The following PLD5 variants were observed in gnomAD, a reference collection of about 807,000 sequenced individuals.
PLD5 encodes the protein phospholipase D family member 5.
A neutral mutation model predicts 61.1 loss-of-function variants in PLD5; 36 were observed. The observed-to-expected ratio is 0.59, with a 90% CI of 0.45 to 0.78. The LOEUF is 0.78. Ranked by LOEUF, PLD5 falls within the 30% of genes least tolerant of loss-of-function variation. PLD5 has a pLI of 0.00. For missense variants in PLD5, 515 were observed against 644.4 expected (o/e 0.80, Z 2.17); for synonymous variants, 243 against 242.8 (o/e 1.00, Z -0.01).
chr1:242,182,819 G>A (rs1347046112), intron 5 of PLD5, among the ~76,000 whole-genome samples: 3 of 151,900 alleles, frequency 2.0e-5, no homozygotes, highest in African/African-American at 4.8e-5. Flanking sequence ...CTCCAGCCTG[G>A]GCAACAGAGT....
upstream of PLD5, among the ~76,000 whole-genome samples, chr1:242,527,114 CTTTTTTTTTTTTTTTTT>C (rs530334746): frequency 1.2e-3 from 89 of 71,982 alleles, 1 homozygote; most frequent in African/African-American, 4.3e-3. Context: ...CTATCTCCTT[CTTTTTTTTTTTTTTTTT>C]TTTTTTTTTT....
At chr1:242,449,547 C>T (rs1366613213) in intron 1 of PLD5, 24 of 1,446,550 alleles carry the variant, frequency 1.7e-5, no homozygotes, top group South Asian at 2.9e-5. Flanking sequence ...AAACTGAGCA[C>T]GAAGAGAGAA....
At position 242,121,447 on chromosome 1, in the gene PLD5, G is replaced by A. The variant is rs543637959; in HGVS notation, c.933+3021C>T. Among the ~76,000 whole-genome samples the A allele has an allele frequency of 1.2e-4, 19 of 152,186 alleles. No individual in the cohort carries two copies. In the South Asian group the frequency reaches 3.5e-3, roughly 28 times the overall value. ...GATTTTATACCTCTCCAGAAATGGTGTTCAATCAATATCTGTTGAATTGAA... is the reference window on the plus strand; with the variant it reads ...GATTTTATACCTCTCCAGAAATGGTATTCAATCAATATCTGTTGAATTGAA... On this transcript the variant is annotated intron_variant, in intron 6 of 9. Coordinates refer to ENST00000536534, the MANE Select transcript of PLD5 (RefSeq NM_001372062.1).
At chr1:242,518,110 C>T (rs1436412781) in intron 1 of PLD5, among the ~76,000 whole-genome samples, 3 of 152,112 alleles carry the variant, frequency 2.0e-5, no homozygotes, top group Non-Finnish European at 2.9e-5. Flanking sequence ...CAACTTGGGC[C>T]GACTTCAACT....
At chr1:242,132,670 C>T (rs1663387085) in intron 5 of PLD5, among the ~76,000 whole-genome samples, 1 of 152,064 alleles carries the variant, frequency 6.6e-6, no homozygotes, top group Admixed American at 6.6e-5. Context: ...CTGAAAGCAG[C>T]CTCCTGCTCA....
At chr1:242,184,464 G>A (rs1001856244) in intron 5 of PLD5, among the ~76,000 whole-genome samples, 1 of 152,154 alleles carries the variant, frequency 6.6e-6, no homozygotes, top group South Asian at 2.1e-4. Flanking sequence ...CACCTGCTGG[G>A]TTCAAGCAAT....
chr1:242,108,327 G>T (rs1661225535), intron 7 of PLD5, among the ~76,000 whole-genome samples: 1 of 152,146 alleles, frequency 6.6e-6, no homozygotes, highest in Non-Finnish European at 1.5e-5. Context: ...TTACCGTGGT[G>T]TCTCCTTACC....
chr1:242,498,111 T>C (rs1668432542), intron 1 of PLD5, among the ~76,000 whole-genome samples: 1 of 152,120 alleles, frequency 6.6e-6, no homozygotes, highest in Non-Finnish European at 1.5e-5. Flanking sequence ...ATTACAGGTG[T>C]GTGCCACCAT....
At chr1:242,224,282 A>G (rs1216592662) in intron 4 of PLD5, among the ~76,000 whole-genome samples, 1 of 152,198 alleles carries the variant, frequency 6.6e-6, no homozygotes, top group African/African-American at 2.4e-5. Flanking sequence ...TTCCATTTAC[A>G]TTAAAAATTT....
intron 6 of PLD5, among the ~76,000 whole-genome samples, chr1:242,114,751 C>T (rs1558235998): frequency 1.3e-5 from 2 of 152,160 alleles, no homozygotes; most frequent in East Asian, 3.8e-4. Flanking sequence ...GCCTGATGAT[C>T]TGTCACTGTC....
chr1:242,104,521 A>G (rs965742058), intron 8 of PLD5, among the ~76,000 whole-genome samples: 5 of 152,138 alleles, frequency 3.3e-5, no homozygotes, highest in African/African-American at 1.2e-4. Flanking sequence ...CGCCATGGAG[A>G]CATGTTTAAG....
intron 9 of PLD5, among the ~76,000 whole-genome samples, chr1:242,097,819 C>G (rs1392970890): frequency 1.3e-5 from 2 of 152,170 alleles, no homozygotes; most frequent in Non-Finnish European, 2.9e-5. Flanking sequence ...GAAGTCCTTG[C>G]CCATGCCTAT....
chr1:242,284,610 G>A (rs1390566039), intron 3 of PLD5, among the ~76,000 whole-genome samples: 2 of 152,200 alleles, frequency 1.3e-5, no homozygotes, highest in Admixed American at 6.5e-5. Flanking sequence ...TGCTCTTTAA[G>A]ACCATAGTCC....
At chr1:242,398,563 C>T (rs1330979567) in intron 1 of PLD5, among the ~76,000 whole-genome samples, 1 of 152,164 alleles carries the variant, frequency 6.6e-6, no homozygotes, top group Non-Finnish European at 1.5e-5. Context: ...TGTGCAAACT[C>T]TTGTATTGTA....
At chr1:242,319,840 A>AC (rs1378864315) in intron 2 of PLD5, among the ~76,000 whole-genome samples, 1 of 152,056 alleles carries the variant, frequency 6.6e-6, no homozygotes, top group Non-Finnish European at 1.5e-5. Context: ...CTATTCCTCT[A>AC]CCCCCTCTCA....
chr1:242,334,987 CA>C (rs1303099082), intron 2 of PLD5, among the ~76,000 whole-genome samples: 3 of 152,150 alleles, frequency 2.0e-5, no homozygotes, highest in Admixed American at 2.0e-4. Context: ...TCTATGTATG[CA>C]AAGGACATGA....
chr1:242,377,072 G>A (rs893601843), intron 1 of PLD5: 206 of 1,611,574 alleles, frequency 1.3e-4, no homozygotes, highest in Non-Finnish European at 1.3e-4. Flanking sequence ...AGTCATCCTC[G>A]TGGCTGGGTT....
intron 7 of PLD5, among the ~76,000 whole-genome samples, chr1:242,110,808 T>A (rs550349927): frequency 3.3e-5 from 5 of 150,062 alleles, no homozygotes; most frequent in African/African-American, 1.2e-4. Flanking sequence ...AAACTCTGTC[T>A]CACACACACA....
chr1:242,167,068 A>AATAATAAT (rs1208718830), intron 5 of PLD5, among the ~76,000 whole-genome samples: 72 of 33,310 alleles, frequency 2.2e-3, no homozygotes, highest in African/African-American at 8.1e-3. Context: ...AGTGAGAGAC[A>AATAATAAT]ATAATAATAG....
Sources: gnomAD v4.1 joint callset for allele counts (sites outside exome capture counted in the v4.1 genomes callset) on GRCh38, gnomAD v4.1.1 for gene constraint, MANE v1.5 for transcripts, NCBI Gene and HGNC (gene_info 2026-07-23, HGNC 2026-07-21) for gene names.